The following C2orf66 variants were observed in gnomAD, a reference collection of about 807,000 sequenced individuals.
C2orf66 encodes uncharacterized protein C2orf66.
In C2orf66, 6 loss-of-function variants were observed where a neutral mutation model predicts 7.0. The ratio of observed to expected loss-of-function variants is 0.86; its 90% CI spans 0.47 to 1.69. The LOEUF is 1.69. Ranked by LOEUF, C2orf66 falls within the 40% of genes most tolerant of loss-of-function variation. The pLI is 0.01. For missense variants in C2orf66, 107 were observed against 112.0 expected (o/e 0.96, Z 0.20); for synonymous variants, 38 against 43.8 (o/e 0.87, Z 0.52).
the C2orf66 span, among the ~76,000 whole-genome samples, chr2:196,825,067 C>G: frequency 6.6e-6 from 1 of 151,886 alleles, no homozygotes; most frequent in Admixed American, 6.6e-5. Context: ...AACCACATCT[C>G]TACTAAAAAT....
chr2:196,810,600 C>T (rs946592146), upstream of C2orf66, among the ~76,000 whole-genome samples: 2 of 152,170 alleles, frequency 1.3e-5, no homozygotes, highest in Admixed American at 6.5e-5. Context: ...TGAGTTGTGA[C>T]GTTGCTTTGG....
the C2orf66 span, among the ~76,000 whole-genome samples, chr2:196,821,366 ATGT>A: frequency 4.9e-3 from 746 of 152,286 alleles, 5 homozygotes; most frequent in Non-Finnish European, 8.5e-3. Context: ...ACTACAGGGG[ATGT>A]TGAGACATCA....
chr2:196,830,200 G>C, the C2orf66 span, among the ~76,000 whole-genome samples: 6 of 152,150 alleles, frequency 3.9e-5, no homozygotes, highest in Non-Finnish European at 8.8e-5. Context: ...TATTGACTAA[G>C]GGAATGTTCA....
At chr2:196,828,358 A>G in the C2orf66 span, among the ~76,000 whole-genome samples, 1 of 152,066 alleles carries the variant, frequency 6.6e-6, no homozygotes, top group Non-Finnish European at 1.5e-5. Context: ...TCTCACTGAA[A>G]CATTTTATGT....
the C2orf66 span, among the ~76,000 whole-genome samples, chr2:196,816,722 G>A: frequency 6.6e-6 from 1 of 151,940 alleles, no homozygotes; most frequent in East Asian, 1.9e-4. Context: ...ATGTTAGAGG[G>A]GTATATTAAA....
chr2:196,818,553 C>A, the C2orf66 span, among the ~76,000 whole-genome samples: 4 of 152,252 alleles, frequency 2.6e-5, no homozygotes, highest in Middle Eastern at 3.4e-3. Flanking sequence ...TAAGTTCAAG[C>A]CATTTCTCCT....
intron 2 of C2orf66, among the ~76,000 whole-genome samples, chr2:196,806,525 G>A (rs753451624): frequency 3.8e-4 from 58 of 151,400 alleles, no homozygotes; most frequent in Non-Finnish European, 6.6e-4. Context: ...TAAATGGTAG[G>A]TGTTGGTTTG....
At chr2:196,820,709 C>T in the C2orf66 span, among the ~76,000 whole-genome samples, 582 of 152,246 alleles carry the variant, frequency 3.8e-3, 4 homozygotes, top group African/African-American at 0.013. Flanking sequence ...TTAAGACATA[C>T]TTATGAATAA....
chr2:196,818,006 G>A, the C2orf66 span, among the ~76,000 whole-genome samples: 12 of 152,270 alleles, frequency 7.9e-5, no homozygotes, highest in Admixed American at 2.6e-4. Flanking sequence ...CACAATTATC[G>A]TAGTGGTCCT....
the C2orf66 span, among the ~76,000 whole-genome samples, chr2:196,823,557 AG>A: frequency 6.6e-6 from 1 of 151,942 alleles, no homozygotes; most frequent in Non-Finnish European, 1.5e-5. Context: ...CCTGGGAGGT[AG>A]AGAGGCTGCA....
At chr2:196,819,990 C>T in the C2orf66 span, among the ~76,000 whole-genome samples, 3 of 152,086 alleles carry the variant, frequency 2.0e-5, no homozygotes, top group African/African-American at 7.2e-5. Context: ...GAAACTGTGG[C>T]GTATTCATGA....
upstream of C2orf66, chr2:196,809,445 A>C (rs981135771): frequency 2.7e-6 from 4 of 1,476,848 alleles, no homozygotes; most frequent in Non-Finnish European, 3.7e-6. Flanking sequence ...AAGGCAGACA[A>C]GGAAGGAGAA....
At chr2:196,809,141 C>T (rs1699846237) in intron 1 of C2orf66, 73 bp downstream of exon 1, 3 of 1,445,414 alleles carry the variant, frequency 2.1e-6, no homozygotes, top group Non-Finnish European at 1.9e-6. Context: ...TTCTGGAAAA[C>T]AGAATGCTGT....
At chr2:196,825,791 C>T in the C2orf66 span, among the ~76,000 whole-genome samples, 1 of 152,146 alleles carries the variant, frequency 6.6e-6, no homozygotes, top group Non-Finnish European at 1.5e-5. Flanking sequence ...GACACTAATG[C>T]TCTCACACAT....
chr2:196,830,383 G>A, the C2orf66 span, among the ~76,000 whole-genome samples: 207 of 152,232 alleles, frequency 1.4e-3, no homozygotes, highest in African/African-American at 3.9e-3. Flanking sequence ...ATGCTCAGCC[G>A]TCCAAACCCA....
chr2:196,814,130 T>A (rs373425405), upstream of C2orf66, among the ~76,000 whole-genome samples: 2 of 152,186 alleles, frequency 1.3e-5, no homozygotes, highest in African/African-American at 4.8e-5. Flanking sequence ...CACATATGTC[T>A]ATTGCAGCAC....
chr2:196,805,445 T>G (rs577083555), intron 2 of C2orf66, 37 bp from the exon 3 acceptor site: 40 of 152,286 alleles, frequency 2.6e-4, no homozygotes, highest in African/African-American at 9.4e-4. Flanking sequence ...TAAATAGAAA[T>G]TGAAGACTAT....
At chr2:196,814,348 C>T (rs1028693578), upstream of C2orf66, among the ~76,000 whole-genome samples, 1 of 152,114 alleles carries the variant, frequency 6.6e-6, no homozygotes, top group African/African-American at 2.4e-5. Flanking sequence ...TGCATGTTCT[C>T]ACTCAATAGT....
upstream of C2orf66, among the ~76,000 whole-genome samples, chr2:196,813,904 T>C (rs1699899506): frequency 6.6e-6 from 1 of 152,170 alleles, no homozygotes; most frequent in African/African-American, 2.4e-5. Flanking sequence ...ATGGCAATCA[T>C]TAAAAAGTCA....
Sources: gnomAD v4.1 joint callset for allele counts (sites outside exome capture counted in the v4.1 genomes callset) on GRCh38, gnomAD v4.1.1 for gene constraint, MANE v1.5 for transcripts, NCBI Gene and HGNC (gene_info 2026-07-23, HGNC 2026-07-21) for gene names.